The following CNKSR3 variants were observed in gnomAD, a reference collection of about 807,000 sequenced individuals.
The protein encoded by CNKSR3 is connector enhancer of kinase suppressor of ras 3.
CNKSR3 carries 36 observed loss-of-function variants against 67.7 expected under a neutral mutation model. That is an observed-to-expected ratio of 0.53 (90% CI 0.41 to 0.70). The LOEUF is 0.70. CNKSR3 is among the 30% of genes least tolerant of loss of function. CNKSR3 has a pLI of 0.00. For missense variants in CNKSR3, 630 were observed against 695.2 expected (o/e 0.91, Z 1.05); for synonymous variants, 281 against 271.4 (o/e 1.04, Z -0.35).
chr6:154,435,293 C>T (rs115992833), intron 4 of CNKSR3, among the ~76,000 whole-genome samples: 5,075 of 152,166 alleles, frequency 0.033, 307 homozygotes, highest in African/African-American at 0.12. Context: ...CCACACCCGG[C>T]CCACAAATCT....
intron 1 of CNKSR3, among the ~76,000 whole-genome samples, chr6:154,460,868 G>A (rs907139978): frequency 1.2e-4 from 19 of 152,166 alleles, no homozygotes; most frequent in Non-Finnish European, 2.9e-5. Flanking sequence ...GACATGCAGT[G>A]GCCGCGACAG....
At chr6:154,425,029 C>T (rs1785228611) in intron 7 of CNKSR3, among the ~76,000 whole-genome samples, 1 of 152,196 alleles carries the variant, frequency 6.6e-6, no homozygotes, top group South Asian at 2.1e-4. Context: ...GCCTTGGCCT[C>T]CCAAAGTGCT....
chr6:154,408,290 TG>T (rs762819392), intron 12 of CNKSR3, among the ~76,000 whole-genome samples: 5 of 152,216 alleles, frequency 3.3e-5, no homozygotes, highest in Non-Finnish European at 7.3e-5. Flanking sequence ...CCCAAAGTGC[TG>T]GGATTACAGG....
chr6:154,419,028 C>A (rs1785080336), intron 9 of CNKSR3, among the ~76,000 whole-genome samples: 1 of 133,748 alleles, frequency 7.5e-6, no homozygotes, highest in Non-Finnish European at 1.6e-5. Flanking sequence ...ACATTACTCT[C>A]TTGCTTTTTT....
intron 1 of CNKSR3, among the ~76,000 whole-genome samples, chr6:154,452,625 G>C (rs1785862068): frequency 6.6e-6 from 1 of 152,176 alleles, no homozygotes; most frequent in South Asian, 2.1e-4. Context: ...TACATTTCAA[G>C]CCTGTTATGG....
At chr6:154,413,750 C>T (rs897068210) in intron 10 of CNKSR3, among the ~76,000 whole-genome samples, 6 of 151,870 alleles carry the variant, frequency 4.0e-5, no homozygotes, top group Non-Finnish European at 8.8e-5. Context: ...TTGCTATATC[C>T]TTTTGTTTCT....
chr6:154,444,330 C>T (rs1785662561), intron 2 of CNKSR3, among the ~76,000 whole-genome samples: 1 of 152,148 alleles, frequency 6.6e-6, no homozygotes. Context: ...GGCATGATAA[C>T]AGTAAATAAA....
At position 154,422,558 on chromosome 6, in the gene CNKSR3, T is replaced by C. The variant is rs1191386943; in HGVS notation, c.893A>G (p.Asn298Ser). The change falls in exon 9 of 13, where the codon AAC becomes AGC. Residue 298 changes from asparagine to serine, a missense_variant. By Grantham distance (46) the Asn-to-Ser change is conservative. This residue lies in a region of CNKSR3 where 133 missense variants were observed against 190.6 expected (regional missense o/e 0.70). Coordinates refer to ENST00000607772, the MANE Select transcript of CNKSR3 (RefSeq NM_173515.4). ...GTTTTTCAGGGGAGCAGGAGTAAAGTTGAAAGACCCGGTGGGGCGCTTCTT... is the reference window on the plus strand; with the variant it reads ...GTTTTTCAGGGGAGCAGGAGTAAAGCTGAAAGACCCGGTGGGGCGCTTCTT... ...LLKKRPTGSF[N>S]FTPAPLKNLR... The C allele has an allele frequency of 2.8e-5, 45 of 1,614,028 alleles. No homozygotes were observed. The highest frequency in any genetic ancestry group is 7.7e-5 in the South Asian group (7 of 91,076).
At chr6:154,414,539 G>T in intron 9 of CNKSR3, 116 bp from the exon 10 acceptor site, 1 of 1,045,344 alleles carries the variant, frequency 9.6e-7, no homozygotes, top group Non-Finnish European at 1.5e-6. Flanking sequence ...CAGGGACTGA[G>T]GTCATTCATG....
chr6:154,414,589 T>C (rs1023757197), intron 9 of CNKSR3, 166 bp from the exon 10 acceptor site: 40 of 754,394 alleles, frequency 5.3e-5, no homozygotes, highest in Non-Finnish European at 8.2e-5. Context: ...ACATTCTTCT[T>C]TGAAACCTTA....
At position 154,395,668 on chromosome 6, in the gene CNKSR3, C is replaced by T. The variant is rs1313212259; in HGVS notation, c.*10686G>A. 3 of 152,162 alleles carry T rather than the reference C, an allele frequency of 2.0e-5. No homozygotes were observed. The highest frequency in any genetic ancestry group is 7.2e-5 in the African/African-American group (3 of 41,418). The allele number at this position is 152,162 out of a possible 1,614,324, so 9.4% of individuals were successfully genotyped here. ...AGCAACAATATTCTCAGTGGTTCTACCACTCAACCCCTTGGGATGAAGGTT... is the reference window on the plus strand; with the variant it reads ...AGCAACAATATTCTCAGTGGTTCTATCACTCAACCCCTTGGGATGAAGGTT... On this transcript the variant is annotated 3_prime_UTR_variant, in exon 13 of 13. Coordinates refer to ENST00000607772, the MANE Select transcript of CNKSR3 (RefSeq NM_173515.4).
At chr6:154,480,341 A>G (rs1163267629) in intron 1 of CNKSR3, among the ~76,000 whole-genome samples, 1 of 152,168 alleles carries the variant, frequency 6.6e-6, no homozygotes, top group Non-Finnish European at 1.5e-5. Context: ...TCAAGGTCAT[A>G]CTACCATTGA....
chr6:154,489,905 C>G (rs1418600653), intron 1 of CNKSR3, among the ~76,000 whole-genome samples: 2 of 152,102 alleles, frequency 1.3e-5, no homozygotes, highest in Admixed American at 6.6e-5. Flanking sequence ...CAGAAAACAC[C>G]CACACCTCAA....
At chr6:154,440,983 T>G (rs113187851) in intron 4 of CNKSR3, among the ~76,000 whole-genome samples, 2 of 151,632 alleles carry the variant, frequency 1.3e-5, no homozygotes, top group African/African-American at 4.8e-5. Flanking sequence ...TACTCCAGAA[T>G]TTTCATTAAA....
rs9322467 is a variant in CNKSR3, at chr6:154,450,143, A to C, written c.168T>G (p.Ile56Met). Residue 56 changes from isoleucine (I) to methionine (M), a missense_variant, in exon 2 of 13, where the codon ATT (isoleucine) becomes ATG (methionine). Physicochemically the swap from Ile to Met is conservative, Grantham distance 10. This residue lies in a region of CNKSR3 where 189 missense variants were observed against 205.0 expected (regional missense o/e 0.92). Transcript: ENST00000607772. Reference protein sequence around the residue: ...QDLEELGVTRIGHQELVLEAV... With the variant: ...QDLEELGVTRMGHQELVLEAV... Reference sequence around the variant, plus strand: ...CCTCCAACACAAGCTCCTGGTGTCCAATCCGTGTGACCCCCAGCTCCTCCA... The same window carrying C: ...CCTCCAACACAAGCTCCTGGTGTCCCATCCGTGTGACCCCCAGCTCCTCCA... The C allele has an allele frequency of 6.2e-7, 1 of 1,613,892 alleles. No homozygotes were observed. The highest frequency in any genetic ancestry group is 8.5e-7 in the Non-Finnish European group (1 of 1,179,942).
chr6:154,494,107 A>G (rs1452925904), intron 1 of CNKSR3, among the ~76,000 whole-genome samples: 1 of 152,110 alleles, frequency 6.6e-6, no homozygotes. Flanking sequence ...AACATACCTG[A>G]GACTGGGCAA....
At chr6:154,501,090 A>C (rs771848859) in intron 1 of CNKSR3, among the ~76,000 whole-genome samples, 7 of 152,220 alleles carry the variant, frequency 4.6e-5, no homozygotes, top group Non-Finnish European at 1.0e-4. Context: ...AGAGGAGAGC[A>C]TCTACCTTAG....
chr6:154,481,382 G>A (rs1317977710), intron 1 of CNKSR3, among the ~76,000 whole-genome samples: 4 of 150,818 alleles, frequency 2.7e-5, no homozygotes, highest in African/African-American at 4.9e-5. Flanking sequence ...TTTTGCTTAT[G>A]TATTTGCTTA....
intron 7 of CNKSR3, among the ~76,000 whole-genome samples, chr6:154,424,635 A>G (rs1411098638): frequency 6.6e-6 from 1 of 152,240 alleles, no homozygotes; most frequent in Non-Finnish European, 1.5e-5. Context: ...CTTTGATTTT[A>G]TCTAGGCCTC....
Sources: gnomAD v4.1 joint callset for allele counts (sites outside exome capture counted in the v4.1 genomes callset) on GRCh38, gnomAD v4.1.1 for gene constraint, gnomAD v4.1.1 regional missense constraint, MANE v1.5 for transcripts, NCBI Gene and HGNC (gene_info 2026-07-23, HGNC 2026-07-21) for gene names.